The following WASF3 variants were observed in gnomAD, a reference collection of about 807,000 sequenced individuals.
The protein encoded by WASF3 is actin-binding protein WASF3.
In WASF3, 11 loss-of-function variants were observed where a neutral mutation model predicts 46.6. The ratio of observed to expected loss-of-function variants is 0.24; its 90% CI spans 0.15 to 0.39. The LOEUF is 0.39. Among genes scored for constraint, WASF3 ranks in the 10% least tolerant of loss-of-function variants. The pLI, the probability that WASF3 is intolerant of heterozygous loss-of-function variation, is 1.00. For missense variants in WASF3, 576 were observed against 669.8 expected (o/e 0.86, Z 1.55); for synonymous variants, 242 against 259.7 (o/e 0.93, Z 0.65).
intron 3 of WASF3, among the ~76,000 whole-genome samples, chr13:26,657,212 G>A (rs1280640747): frequency 1.3e-5 from 2 of 152,246 alleles, no homozygotes; most frequent in Non-Finnish European, 2.9e-5. Context: ...AGGACTGAGA[G>A]CAGCCCTCTG....
At chr13:26,583,341 A>G (rs953212963) in intron 1 of WASF3, among the ~76,000 whole-genome samples, 1 of 152,204 alleles carries the variant, frequency 6.6e-6, no homozygotes, top group African/African-American at 2.4e-5. Flanking sequence ...ATAGTCACAA[A>G]TGGCAAGTGA....
At chr13:26,590,731 A>G (rs1235098433) in intron 1 of WASF3, among the ~76,000 whole-genome samples, 4 of 152,238 alleles carry the variant, frequency 2.6e-5, no homozygotes, top group African/African-American at 9.6e-5. Flanking sequence ...GCAGTGAGTT[A>G]TTGCACACCT....
rs772028883 is a variant in WASF3, at chr13:26,642,445, TG to T, written c.133+43del. The stretch of plus-strand genomic sequence containing the variant: ...CTGATTACCAATGACATTAACTTTT[TG>T]TTAGCAAATTGATTTTAATAGTTAA... On this transcript the variant is annotated intron_variant, in intron 3 of 9. Transcript: ENST00000335327. 1.9e-6 allele frequency: 3 copies of T among 1,547,404 alleles called. No homozygotes were observed. The African/African-American group carries it at 4.2e-5, about 22-fold the overall frequency.
chr13:26,643,195 A>G (rs955408179), intron 3 of WASF3, among the ~76,000 whole-genome samples: 4 of 152,042 alleles, frequency 2.6e-5, no homozygotes, highest in Non-Finnish European at 5.9e-5. Flanking sequence ...TTGTTTTCTC[A>G]CTTCATCCTG....
chr13:26,561,685 A>G lies in WASF3; in HGVS notation c.-109+3866A>G, dbSNP rs1879300031. On this transcript the variant is annotated intron_variant, in intron 1 of 9. Transcript: ENST00000335327. ...GATGTTTCACATTGTTGAGGAAAAC[A>G]CATAGTTCCGTCTCTTCAAGCCTGT... Among the ~76,000 whole-genome samples the G allele has an allele frequency of 2.0e-5, 3 of 152,354 alleles. No individual in the cohort carries two copies. The South Asian group carries it at 6.2e-4, about 32-fold the overall frequency.
chr13:26,608,489 C>T (rs1880871150), intron 1 of WASF3, among the ~76,000 whole-genome samples: 2 of 152,206 alleles, frequency 1.3e-5, no homozygotes, highest in Admixed American at 6.5e-5. Context: ...AGTATCTCTT[C>T]TGCTACTTGT....
At chr13:26,574,957 C>CT (rs1305506349) in intron 1 of WASF3, among the ~76,000 whole-genome samples, 1 of 151,958 alleles carries the variant, frequency 6.6e-6, no homozygotes, top group Non-Finnish European at 1.5e-5. Flanking sequence ...CTGCCTCAGC[C>CT]TCTGGAGTAG....
intron 2 of WASF3, among the ~76,000 whole-genome samples, chr13:26,623,872 C>G (rs1483585526): frequency 2.6e-5 from 4 of 151,802 alleles, no homozygotes; most frequent in African/African-American, 9.7e-5. Flanking sequence ...GTCTAGCACA[C>G]TAGGCACAAG....
chr13:26,542,334 T>C, the WASF3 span, among the ~76,000 whole-genome samples: 3 of 152,326 alleles, frequency 2.0e-5, no homozygotes, highest in East Asian at 5.8e-4. Context: ...AAATGTCTGT[T>C]ACAGCATCTA....
At chr13:26,668,135 A>G (rs1248442878) in intron 5 of WASF3, among the ~76,000 whole-genome samples, 1 of 152,226 alleles carries the variant, frequency 6.6e-6, no homozygotes, top group Non-Finnish European at 1.5e-5. Context: ...GAGTGAAAAT[A>G]TAGTCAGCAA....
the WASF3 span, among the ~76,000 whole-genome samples, chr13:26,547,135 C>T: frequency 6.6e-6 from 1 of 151,706 alleles, no homozygotes; most frequent in Admixed American, 6.6e-5. Context: ...CTAGGAAGCT[C>T]AAAACAAAAC....
chr13:26,630,179 CTTA>C (rs1593158321), intron 2 of WASF3, among the ~76,000 whole-genome samples: 4 of 152,146 alleles, frequency 2.6e-5, no homozygotes, highest in South Asian at 4.2e-4. Flanking sequence ...TGTTTTTATA[CTTA>C]AAGTTCTAGG....
At chr13:26,647,000 T>C (rs1210867803) in intron 3 of WASF3, among the ~76,000 whole-genome samples, 1 of 152,194 alleles carries the variant, frequency 6.6e-6, no homozygotes, top group Non-Finnish European at 1.5e-5. Flanking sequence ...TACATAACTT[T>C]TAGGAAATCT....
chr13:26,553,303 A>G (rs1314700700), upstream of WASF3, among the ~76,000 whole-genome samples: 2 of 152,120 alleles, frequency 1.3e-5, no homozygotes, highest in African/African-American at 4.8e-5. Flanking sequence ...ATCGTATACC[A>G]GGTTGGTCAA....
Position 26,681,075 on chromosome 13 carries a change from G to A in WASF3, c.738G>A (p.Thr246=), listed in dbSNP as rs757584113. The A allele has an allele frequency of 1.2e-5, 20 of 1,613,516 alleles. No individual in the cohort carries two copies. The highest frequency in any genetic ancestry group is 4.4e-5 in the South Asian group (4 of 90,988). ...PDTRSHASDV[T]DYSYPATPNH... ...CCAGGTCACATGCATCGGACGTTAC[G>A]GATTACTCTTACCCGGCTACTCCCA... Residue 246 remains threonine, a synonymous_variant, in exon 8 of 10, where the codon ACG becomes ACA. Coordinates refer to ENST00000335327, the MANE Select transcript of WASF3 (RefSeq NM_006646.6).
chr13:26,679,430 C>T lies in WASF3; in HGVS notation c.717-1624C>T, dbSNP rs1428642092. Among the ~76,000 whole-genome samples, 1 of 152,224 alleles carries T rather than the reference C, an allele frequency of 6.6e-6. No homozygotes were observed. The highest frequency in any genetic ancestry group is 1.5e-5 in the Non-Finnish European group (1 of 68,040). On this transcript the variant is annotated intron_variant, in intron 7 of 9. Transcript: ENST00000335327. The surrounding 1 kb of genome is among the most constrained non-coding windows in gnomAD (Gnocchi z 4.8). The stretch of plus-strand genomic sequence containing the variant: ...ATATTTATCGAGTCTTCCTTCACTT[C>T]TGCCTCCATCTGGTTAGCCCCTTTT...
chr13:26,578,993 C>CTTTTCTTTTTTTTTTTT (rs1879887699), intron 1 of WASF3, among the ~76,000 whole-genome samples: 1 of 60,638 alleles, frequency 1.6e-5, no homozygotes, highest in African/African-American at 7.7e-5. Flanking sequence ...GATACATTTC[C>CTTTTCTTTTTTTTTTTT]TTTTTTTTTT....
At chr13:26,627,015 G>T (rs1227340637) in intron 2 of WASF3, among the ~76,000 whole-genome samples, 1 of 134,322 alleles carries the variant, frequency 7.4e-6, no homozygotes, top group Admixed American at 7.0e-5. Context: ...GTATAACCAA[G>T]AAAGTAGAAA....
intron 3 of WASF3, among the ~76,000 whole-genome samples, chr13:26,649,644 G>A (rs534822768): frequency 6.6e-6 from 1 of 152,340 alleles, no homozygotes; most frequent in African/African-American, 2.4e-5. Flanking sequence ...AAGTTTGAGA[G>A]TTAAAAGCTC....
Sources: allele counts gnomAD v4.1 joint callset (sites outside exome capture counted in the v4.1 genomes callset), GRCh38; gene constraint gnomAD v4.1.1; non-coding constraint Gnocchi (gnomAD v3.1); transcripts MANE v1.5; gene names NCBI Gene and HGNC (gene_info 2026-07-23, HGNC 2026-07-21).